Variants in PDE4D observed in about 807,000 individuals in gnomAD.
The protein encoded by PDE4D is 3',5'-cyclic-AMP phosphodiesterase 4D.
Under a neutral mutation model 87.4 loss-of-function variants are expected in PDE4D, and 24 were observed. That is an observed-to-expected ratio of 0.27 (90% CI 0.20 to 0.39). The LOEUF (loss-of-function observed/expected upper bound fraction) is 0.39, where lower values mean the gene tolerates loss of function less well. Among genes scored for constraint, PDE4D ranks in the 10% least tolerant of loss-of-function variants. The probability of loss-of-function intolerance (pLI) is 1.00; values close to 1 mark genes in which losing one functional copy is unlikely to be tolerated. For synonymous variants in PDE4D, 384 were observed against 383.2 expected (o/e 1.00, Z -0.02); for missense variants, 714 against 1,041.0 (o/e 0.69, Z 4.32).
intron 1 of PDE4D, among the ~76,000 whole-genome samples, chr5:60,202,406 A>G (rs1742021107): frequency 6.6e-6 from 1 of 152,150 alleles, no homozygotes; most frequent in African/African-American, 2.4e-5. Context: ...GGCTCAAGTA[A>G]TCTGCCTGCC....
At chr5:59,787,847 C>CT (rs1373020286) in intron 1 of PDE4D, among the ~76,000 whole-genome samples, 1 of 152,102 alleles carries the variant, frequency 6.6e-6, no homozygotes, top group Admixed American at 6.5e-5. Context: ...AATATAAAAG[C>CT]TGGGTCTATC....
intron 2 of PDE4D, among the ~76,000 whole-genome samples, chr5:60,002,670 T>C (rs1055324100): frequency 3.9e-5 from 6 of 152,172 alleles, no homozygotes; most frequent in Admixed American, 1.3e-4. Context: ...ATAAAGATCA[T>C]ATGATCTATA....
intron 1 of PDE4D, among the ~76,000 whole-genome samples, chr5:59,390,251 G>A (rs1240095824): frequency 6.6e-6 from 1 of 151,998 alleles, no homozygotes; most frequent in Non-Finnish European, 1.5e-5. Flanking sequence ...CCACAAGATG[G>A]CGCTCTCTAA....
chr5:59,103,253 T>C (rs1181861894), intron 5 of PDE4D, among the ~76,000 whole-genome samples: 1 of 152,158 alleles, frequency 6.6e-6, no homozygotes, highest in Non-Finnish European at 1.5e-5. Context: ...TCTTTGAAAT[T>C]TGTATATATT....
intron 3 of PDE4D, among the ~76,000 whole-genome samples, chr5:59,932,785 T>C (rs1756114650): frequency 6.6e-6 from 1 of 152,182 alleles, no homozygotes; most frequent in Admixed American, 6.5e-5. Flanking sequence ...AGAAAATTCA[T>C]ACATGGAGGG....
intron 4 of PDE4D, among the ~76,000 whole-genome samples, chr5:59,181,571 T>TATATATATATATATATATATATATATA (rs1554090340): frequency 7.5e-6 from 1 of 133,594 alleles, no homozygotes; most frequent in African/African-American, 2.9e-5. Context: ...TATATATATA[T>TATATATATATATATATATATATATATA]TAGGTATATA....
At chr5:60,248,206 G>A (rs1395101850) in intron 1 of PDE4D, among the ~76,000 whole-genome samples, 4 of 151,978 alleles carry the variant, frequency 2.6e-5, no homozygotes, top group African/African-American at 9.7e-5. Flanking sequence ...TGATAATGGA[G>A]TGAGAAAGTG....
chr5:60,089,809 A>T (rs1030934795), intron 2 of PDE4D, among the ~76,000 whole-genome samples: 2 of 151,874 alleles, frequency 1.3e-5, no homozygotes, highest in Admixed American at 6.6e-5. Context: ...AGTCTAAAAA[A>T]TAAAGTCAGA....
intron 2 of PDE4D, among the ~76,000 whole-genome samples, chr5:59,998,325 T>C (rs1031123919): frequency 3.9e-5 from 6 of 152,132 alleles, no homozygotes; most frequent in Admixed American, 3.9e-4. Flanking sequence ...CCTAGTTTAA[T>C]GTAGGAAACC....
intron 5 of PDE4D, among the ~76,000 whole-genome samples, chr5:59,161,108 G>A (rs879641634): frequency 4.1e-5 from 4 of 97,734 alleles, no homozygotes; most frequent in Non-Finnish European, 6.2e-5. Flanking sequence ...TCCCACCCCC[G>A]CCAACAAAAA....
At chr5:59,786,647 A>G (rs1388378020) in intron 1 of PDE4D, among the ~76,000 whole-genome samples, 1 of 152,216 alleles carries the variant, frequency 6.6e-6, no homozygotes, top group Non-Finnish European at 1.5e-5. Flanking sequence ...CATTGCCATG[A>G]CTATGAAAAA....
intron 1 of PDE4D, among the ~76,000 whole-genome samples, chr5:60,304,651 CAAAAAAAAAA>C (rs70975379): frequency 1.7e-5 from 1 of 60,086 alleles, no homozygotes; most frequent in Non-Finnish European, 3.1e-5. Flanking sequence ...GACTCCGTCT[CAAAAAAAAAA>C]AAAAAAAAAA....
intron 1 of PDE4D, among the ~76,000 whole-genome samples, chr5:60,429,706 A>G (rs1172424642): frequency 6.6e-6 from 1 of 152,232 alleles, no homozygotes; most frequent in Non-Finnish European, 1.5e-5. Context: ...CCTTTTCTGC[A>G]TCTATTGAGA....
chr5:59,241,555 G>A (rs939402228), intron 1 of PDE4D, among the ~76,000 whole-genome samples: 3 of 152,340 alleles, frequency 2.0e-5, no homozygotes, highest in Non-Finnish European at 4.4e-5. Flanking sequence ...TAAGCGCCCA[G>A]CTTAAGGACA....
chr5:59,808,726 C>G (rs2152675883), intron 1 of PDE4D, among the ~76,000 whole-genome samples: 1 of 152,236 alleles, frequency 6.6e-6, no homozygotes, highest in African/African-American at 2.4e-5. Context: ...AGTATTTTTA[C>G]AGCATTAAAC....
At chr5:59,403,039 T>A (rs1389903456) in intron 1 of PDE4D, among the ~76,000 whole-genome samples, 1 of 152,182 alleles carries the variant, frequency 6.6e-6, no homozygotes, top group Non-Finnish European at 1.5e-5. Flanking sequence ...ATATATTACC[T>A]TCTTTATTTG....
intron 1 of PDE4D, among the ~76,000 whole-genome samples, chr5:59,656,928 C>A (rs1299452510): frequency 6.6e-6 from 1 of 152,024 alleles, no homozygotes; most frequent in African/African-American, 2.4e-5. Context: ...AACTTTTTTT[C>A]TAATTTGTCA....
intron 1 of PDE4D, among the ~76,000 whole-genome samples, chr5:59,678,492 G>T (rs1046926103): frequency 6.6e-6 from 1 of 152,000 alleles, no homozygotes; most frequent in African/African-American, 2.4e-5. Context: ...TTGAGATGTA[G>T]TCTGGCTCTG....
intron 1 of PDE4D, among the ~76,000 whole-genome samples, chr5:59,609,377 T>TACACACATACAC (rs1554041696): frequency 6.8e-6 from 1 of 147,692 alleles, no homozygotes; most frequent in Admixed American, 6.8e-5. Context: ...TTTGTATATG[T>TACACACATACAC]ACACACACAC....
Sources: allele counts gnomAD v4.1 joint callset (sites outside exome capture counted in the v4.1 genomes callset), GRCh38; gene constraint gnomAD v4.1.1; transcripts MANE v1.5; gene names NCBI Gene and HGNC (gene_info 2026-07-23, HGNC 2026-07-21).